Variants in PMS1 observed in about 807,000 individuals in gnomAD.
PMS1 encodes the protein PMS1 homolog 1, mismatch repair system component.
A neutral mutation model predicts 93.1 loss-of-function variants in PMS1; 79 were observed. The observed-to-expected ratio is 0.85, with a 90% CI of 0.71 to 1.02. The LOEUF is 1.02. Ranked by LOEUF, PMS1 falls within the 50% of genes least tolerant of loss-of-function variation. PMS1 has a pLI of 0.00. For synonymous variants in PMS1, 335 were observed against 363.4 expected (o/e 0.92, Z 0.89); for missense variants, 1,064 against 1,085.3 (o/e 0.98, Z 0.28).
chr2:189,791,691 A>C, intron 1 of PMS1, 99 bp from the exon 2 acceptor site: 1 of 776,048 alleles, frequency 1.3e-6, no homozygotes. Flanking sequence ...AGTAAGTCTC[A>C]GTGAAGATGA....
chr2:189,855,846 C>T, intron 9 of PMS1: 1 of 1,080,670 alleles, frequency 9.3e-7, no homozygotes, highest in Non-Finnish European at 1.2e-6. Context: ...AATATAAACA[C>T]AAAATATTAT....
At chr2:189,827,421 T>A (rs578122190) in intron 5 of PMS1, among the ~76,000 whole-genome samples, 35 of 152,316 alleles carry the variant, frequency 2.3e-4, no homozygotes, top group African/African-American at 7.9e-4. Context: ...TGTTTACATA[T>A]GTATATCTTG....
intron 9 of PMS1, among the ~76,000 whole-genome samples, chr2:189,858,937 T>C (rs5743153): frequency 0.017 from 2,562 of 152,238 alleles, 30 homozygotes; most frequent in Non-Finnish European, 0.026. Context: ...TCTCCTGTCT[T>C]TTAAATCTCA....
chr2:189,859,479 C>T (rs2055718449), intron 9 of PMS1, among the ~76,000 whole-genome samples: 1 of 152,126 alleles, frequency 6.6e-6, no homozygotes, highest in Non-Finnish European at 1.5e-5. Context: ...ACTGGAATCA[C>T]CTATGGAGCT....
chr2:189,843,841 T>C (rs983657462), intron 5 of PMS1, 123 bp from the exon 6 acceptor site: 1 of 820,036 alleles, frequency 1.2e-6, no homozygotes, highest in African/African-American at 1.7e-5. Context: ...CATGAATCTC[T>C]TCTAAGTGAT....
chr2:189,820,924 A>T (rs1328189020), intron 5 of PMS1, among the ~76,000 whole-genome samples: 1 of 152,130 alleles, frequency 6.6e-6, no homozygotes, highest in African/African-American at 2.4e-5. Flanking sequence ...GCTCAACCAA[A>T]TGATACCTTG....
intron 1 of PMS1, among the ~76,000 whole-genome samples, chr2:189,789,980 T>A (rs2048701944): frequency 1.3e-5 from 2 of 152,240 alleles, no homozygotes; most frequent in South Asian, 4.1e-4. Context: ...ATTTTTCGTT[T>A]GTTTGAACAA....
At chr2:189,798,138 G>C (rs1321472546) in intron 3 of PMS1, among the ~76,000 whole-genome samples, 1 of 152,190 alleles carries the variant, frequency 6.6e-6, no homozygotes, top group African/African-American at 2.4e-5. Context: ...ACTGGGAGCT[G>C]TGGGTCACTG....
At chr2:189,795,710 T>C (rs1438886608) in intron 2 of PMS1, 59 bp from the exon 3 acceptor site, 2 of 1,316,636 alleles carry the variant, frequency 1.5e-6, no homozygotes, top group Non-Finnish European at 2.2e-6. Flanking sequence ...TGTTTCTTTC[T>C]AAGTGTGATA....
At position 189,877,534 on chromosome 2, in the gene PMS1, G is replaced by T; in HGVS notation, c.*98G>T. ...ATTATCTTTGTATTATGTGTCACAT[G>T]GTTATTTTTTAAATGAGGATTCACT... is the stretch of plus-strand genomic sequence containing the variant. On this transcript the variant is annotated 3_prime_UTR_variant, in exon 13 of 13. Coordinates refer to ENST00000441310, the MANE Select transcript of PMS1 (RefSeq NM_000534.5). 5.0e-6 allele frequency: 4 copies of T among 797,788 alleles called. No individual in the cohort carries two copies. Among genetic ancestry groups the T allele is most frequent in the South Asian group, 1.7e-5 (1 of 60,214 alleles). The allele number at this position is 797,788 out of a possible 1,614,324, so 49.4% of individuals were successfully genotyped here.
At chr2:189,785,051 A>G (rs1029924710) in intron 1 of PMS1, among the ~76,000 whole-genome samples, 1 of 152,228 alleles carries the variant, frequency 6.6e-6, no homozygotes, top group African/African-American at 2.4e-5. Flanking sequence ...GGAAATGTGA[A>G]TACCAAAAAT....
Position 189,800,519 on chromosome 2 carries a change from TG to T in PMS1, c.315+4573del, listed in dbSNP as rs1474261464. Among the ~76,000 whole-genome samples the T allele has an allele frequency of 2.6e-5, 4 of 152,172 alleles. No individual in the cohort carries two copies. The South Asian group carries it at 8.3e-4, about 31-fold the overall frequency. ...TAAATAAGACTTAATGGGTGCATTT[TG>T]GGGGAAAGGAGTTCACTTTTTAATC... On this transcript the variant is annotated intron_variant, in intron 3 of 12. Transcript: ENST00000441310.
chr2:189,863,993 A>G lies in PMS1; in HGVS notation c.2107A>G (p.Met703Val), dbSNP rs750847463. 1.6e-5 allele frequency: 26 copies of G among 1,608,306 alleles called. No homozygotes were observed. Among genetic ancestry groups the G allele is most frequent in the Non-Finnish European group, 2.0e-5 (24 of 1,175,944 alleles). The change falls in exon 10 of 13, where the codon ATG becomes GTG. Residue 703 changes from methionine (M) to valine (V), a missense_variant. Coordinates refer to ENST00000441310, the MANE Select transcript of PMS1 (RefSeq NM_000534.5). ...TAAAATGGTACAGATCCCCTTTTCT[A>G]TGAAAAACTTAAAAATAAATTTTAA... ...NIKMVQIPFS[M>V]KNLKINFKKQ...
At chr2:189,847,385 T>C (rs1256639106) in intron 6 of PMS1, among the ~76,000 whole-genome samples, 9 of 152,154 alleles carry the variant, frequency 5.9e-5, no homozygotes, top group African/African-American at 2.2e-4. Flanking sequence ...GTTAATTTTC[T>C]CCTATTGTTT....
At chr2:189,788,358 T>C (rs1292777260) in intron 1 of PMS1, among the ~76,000 whole-genome samples, 9 of 152,240 alleles carry the variant, frequency 5.9e-5, no homozygotes, top group Middle Eastern at 3.2e-3. Flanking sequence ...TTAGCACTTA[T>C]ATGCCAAACA....
chr2:189,803,164 C>T (rs560348505), intron 3 of PMS1, among the ~76,000 whole-genome samples: 2 of 152,116 alleles, frequency 1.3e-5, no homozygotes, highest in Admixed American at 6.5e-5. Context: ...AAAACTTAGC[C>T]CCCCCAAAAA....
intron 5 of PMS1, among the ~76,000 whole-genome samples, chr2:189,831,681 A>G (rs970885747): frequency 3.9e-5 from 6 of 152,224 alleles, no homozygotes; most frequent in African/African-American, 1.4e-4. Flanking sequence ...TAGAAACAAA[A>G]CTTTTAAAGT....
chr2:189,871,806 AT>A (rs2057173552), intron 11 of PMS1, among the ~76,000 whole-genome samples: 1 of 152,192 alleles, frequency 6.6e-6, no homozygotes, highest in South Asian at 2.1e-4. Flanking sequence ...GTATAAAGAA[AT>A]GAGGTTTATT....
At chr2:189,800,999 G>A (rs1049552581) in intron 3 of PMS1, among the ~76,000 whole-genome samples, 2 of 151,986 alleles carry the variant, frequency 1.3e-5, no homozygotes, top group African/African-American at 4.8e-5. Flanking sequence ...AAGAAGTAAA[G>A]CATTATTTTT....
Sources: allele counts gnomAD v4.1 joint callset (sites outside exome capture counted in the v4.1 genomes callset), GRCh38; gene constraint gnomAD v4.1.1; transcripts MANE v1.5; gene names NCBI Gene and HGNC (gene_info 2026-07-23, HGNC 2026-07-21).